MAPKAP1: variants seen among roughly 807,000 people sequenced by gnomAD.
The protein encoded by MAPKAP1 is MAPK associated protein 1.
A neutral mutation model predicts 65.7 loss-of-function variants in MAPKAP1; 20 were observed. The ratio of observed to expected loss-of-function variants is 0.30; its 90% CI spans 0.21 to 0.44. The LOEUF (loss-of-function observed/expected upper bound fraction) is 0.44, where lower values mean the gene tolerates loss of function less well. Ranked by LOEUF, MAPKAP1 falls within the 20% of genes least tolerant of loss-of-function variation. The pLI, the probability that MAPKAP1 is intolerant of heterozygous loss-of-function variation, is 1.00. For missense variants in MAPKAP1, 423 were observed against 648.0 expected (o/e 0.65, Z 3.77); for synonymous variants, 222 against 244.3 (o/e 0.91, Z 0.85).
At chr9:125,601,776 T>C (rs1832305532) in intron 4 of MAPKAP1, among the ~76,000 whole-genome samples, 1 of 152,164 alleles carries the variant, frequency 6.6e-6, no homozygotes, top group Non-Finnish European at 1.5e-5. Context: ...ATCCTCAAAA[T>C]GCACACGTGA....
intron 4 of MAPKAP1, among the ~76,000 whole-genome samples, chr9:125,588,976 G>A (rs559945610): frequency 2.6e-5 from 4 of 152,106 alleles, no homozygotes; most frequent in Non-Finnish European, 5.9e-5. Flanking sequence ...CATTTCTCAC[G>A]TCCCAGGGCT....
intron 4 of MAPKAP1, among the ~76,000 whole-genome samples, chr9:125,616,596 G>A (rs1832753189): frequency 6.6e-6 from 1 of 151,984 alleles, no homozygotes; most frequent in African/African-American, 2.4e-5. Context: ...CACACAAAAA[G>A]ATGTTCAATT....
At chr9:125,476,660 C>T (rs1260366440) in intron 9 of MAPKAP1, among the ~76,000 whole-genome samples, 1 of 152,152 alleles carries the variant, frequency 6.6e-6, no homozygotes, top group Non-Finnish European at 1.5e-5. Context: ...GCTGCTTTCA[C>T]TCACTATTGT....
chr9:125,649,812 A>G (rs1424759531), intron 4 of MAPKAP1, among the ~76,000 whole-genome samples: 1 of 152,002 alleles, frequency 6.6e-6, no homozygotes, highest in Non-Finnish European at 1.5e-5. Flanking sequence ...AAAAAAAAAA[A>G]AAAAAGAAAA....
intron 6 of MAPKAP1, among the ~76,000 whole-genome samples, chr9:125,550,235 G>A (rs1830546695): frequency 6.6e-6 from 1 of 152,160 alleles, no homozygotes. Flanking sequence ...CAGCAAGACT[G>A]ACATTGTATT....
chr9:125,586,346 G>T (rs561074505), intron 4 of MAPKAP1, among the ~76,000 whole-genome samples: 1 of 151,972 alleles, frequency 6.6e-6, no homozygotes, highest in Admixed American at 6.6e-5. Flanking sequence ...TCCCACCTGC[G>T]TCTTCCACTC....
intron 6 of MAPKAP1, among the ~76,000 whole-genome samples, chr9:125,556,362 A>G (rs1156577787): frequency 6.6e-6 from 1 of 152,228 alleles, no homozygotes; most frequent in Non-Finnish European, 1.5e-5. Context: ...CACAGGTTAA[A>G]CCAACACCAG....
intron 5 of MAPKAP1, among the ~76,000 whole-genome samples, chr9:125,562,837 A>C (rs1830931040): frequency 6.6e-6 from 1 of 152,196 alleles, no homozygotes; most frequent in African/African-American, 2.4e-5. Flanking sequence ...CTCAAGATTA[A>C]ACAGCATGTA....
Position 125,581,344 on chromosome 9 carries a change from C to T in MAPKAP1, c.671+4211G>A, listed in dbSNP as rs533581064. Among the ~76,000 whole-genome samples, 19 of 152,362 alleles carry T rather than the reference C, an allele frequency of 1.2e-4. No homozygotes were observed. The East Asian group carries it at 3.3e-3, about 26-fold the overall frequency. ...AGAAATGATGTATGATACAGTTTCT[C>T]TACATCCTTGCCAGCAATTGGTGTC... On this transcript the variant is annotated intron_variant, in intron 5 of 11. Coordinates refer to ENST00000265960, the MANE Select transcript of MAPKAP1 (RefSeq NM_001006617.3).
At chr9:125,452,305 G>C (rs906872649) in intron 10 of MAPKAP1, among the ~76,000 whole-genome samples, 1 of 151,974 alleles carries the variant, frequency 6.6e-6, no homozygotes, top group Non-Finnish European at 1.5e-5. Context: ...TGCCATGTTG[G>C]CTAGGCTAGT....
Position 125,480,971 on chromosome 9 carries a change from C to CG in MAPKAP1, c.1207+3471dup, listed in dbSNP as rs34764390. On this transcript the variant is annotated intron_variant, in intron 9 of 11. Transcript: ENST00000265960. ...TGGGTGACAGAGCGAGACTCCGTTTCGGGGAAAAAAAAAAAAAAAAAAAAA... is the reference window on the plus strand; with the variant it reads ...TGGGTGACAGAGCGAGACTCCGTTTCGGGGGAAAAAAAAAAAAAAAAAAAAA... Among the ~76,000 whole-genome samples, 5 of 68,546 alleles carry CG rather than the reference C, an allele frequency of 7.3e-5. No homozygotes were observed. The East Asian group carries it at 1.9e-3, about 26-fold the overall frequency. The allele number at this position is 68,546 out of a possible 152,430, so 45.0% of individuals were successfully genotyped here.
At chr9:125,682,090 AT>A (rs1174285787) in intron 1 of MAPKAP1, among the ~76,000 whole-genome samples, 1 of 151,980 alleles carries the variant, frequency 6.6e-6, no homozygotes, top group Non-Finnish European at 1.5e-5. Flanking sequence ...GGAAAAAAAA[AT>A]GTTTATCTTC....
At chr9:125,657,597 A>T in intron 4 of MAPKAP1, 54 bp downstream of exon 4, 1 of 1,461,398 alleles carries the variant, frequency 6.8e-7, no homozygotes, top group Non-Finnish European at 9.4e-7. Context: ...TACCAACAAC[A>T]ACTCCACTCA....
At chr9:125,566,546 A>T (rs1831058242) in intron 5 of MAPKAP1, among the ~76,000 whole-genome samples, 1 of 150,840 alleles carries the variant, frequency 6.6e-6, no homozygotes, top group Non-Finnish European at 1.5e-5. Context: ...TGGGCAACAG[A>T]GTGAGACACT....
intron 1 of MAPKAP1, among the ~76,000 whole-genome samples, chr9:125,692,343 A>G (rs746235915): frequency 3.9e-5 from 6 of 152,262 alleles, no homozygotes; most frequent in Non-Finnish European, 8.8e-5. Flanking sequence ...AAAAGGAATG[A>G]AGTACTGATC....
chr9:125,486,945 A>G (rs535395138), intron 8 of MAPKAP1, among the ~76,000 whole-genome samples: 2 of 152,304 alleles, frequency 1.3e-5, no homozygotes, highest in South Asian at 4.1e-4. Flanking sequence ...TCTTCAGAAC[A>G]GTTATCACAG....
intron 7 of MAPKAP1, among the ~76,000 whole-genome samples, chr9:125,535,721 G>T (rs1199654188): frequency 6.6e-6 from 1 of 152,080 alleles, no homozygotes; most frequent in Non-Finnish European, 1.5e-5. Flanking sequence ...ATAAAATCAG[G>T]ATGCAGTTTA....
intron 10 of MAPKAP1, among the ~76,000 whole-genome samples, chr9:125,452,833 C>T (rs571376264): frequency 1.1e-4 from 17 of 151,794 alleles, no homozygotes; most frequent in African/African-American, 2.4e-4. Flanking sequence ...TGCAGTAAGG[C>T]GGAATCATGT....
intron 8 of MAPKAP1, among the ~76,000 whole-genome samples, chr9:125,501,663 CCTAATTA>C (rs202218847): frequency 0.014 from 2,165 of 152,150 alleles, 19 homozygotes; most frequent in South Asian, 0.041. Flanking sequence ...TAGGAAGGTT[CCTAATTA>C]CTAATTAGCT....
Sources: allele counts gnomAD v4.1 joint callset (sites outside exome capture counted in the v4.1 genomes callset), GRCh38; gene constraint gnomAD v4.1.1; transcripts MANE v1.5; gene names NCBI Gene and HGNC (gene_info 2026-07-23, HGNC 2026-07-21).